FBXO36: variants seen among roughly 807,000 people sequenced by gnomAD.
FBXO36 encodes F-box only protein 36.
In FBXO36, 18 loss-of-function variants were observed where a neutral mutation model predicts 17.0. That is an observed-to-expected ratio of 1.06 (90% CI 0.73 to 1.57). The LOEUF is 1.57. FBXO36 is among the 40% of genes most tolerant of loss of function. The pLI is 0.00. For synonymous variants in FBXO36, 83 were observed against 85.3 expected, an observed-to-expected ratio of 0.97 and a Z score of 0.15; for missense variants, 229 against 221.9, an observed-to-expected ratio of 1.03 and a Z score of -0.20.
intron 3 of FBXO36, among the ~76,000 whole-genome samples, chr2:230,008,318 A>G (rs888488371): frequency 1.3e-5 from 2 of 152,130 alleles, no homozygotes; most frequent in African/African-American, 4.8e-5. Flanking sequence ...GATTCTCTTC[A>G]ACTTGACAAT....
At chr2:229,926,514 C>T (rs547946859) in intron 1 of FBXO36, among the ~76,000 whole-genome samples, 86 of 151,812 alleles carry the variant, frequency 5.7e-4, no homozygotes, top group African/African-American at 1.9e-3. Context: ...GGGAGCCTGA[C>T]GGGTGGATCA....
At chr2:229,985,494 C>T (rs2077263778) in intron 2 of FBXO36, among the ~76,000 whole-genome samples, 2 of 152,072 alleles carry the variant, frequency 1.3e-5, no homozygotes, top group South Asian at 4.1e-4. Flanking sequence ...AACACTCCTC[C>T]CCTCCTTGCT....
At chr2:229,960,208 C>T (rs922528290) in intron 1 of FBXO36, among the ~76,000 whole-genome samples, 1 of 151,842 alleles carries the variant, frequency 6.6e-6, no homozygotes, top group African/African-American at 2.4e-5. Context: ...GATGGGGTCT[C>T]GCTCTGTCAT....
At position 229,933,833 on chromosome 2, in the gene FBXO36, G is replaced by A. The variant is rs968905135; in HGVS notation, c.96+11224G>A. 4.6e-5 allele frequency among the ~76,000 whole-genome samples: 7 copies of A among 151,872 alleles called. No homozygotes were observed. The East Asian group carries it at 7.8e-4, about 17-fold the overall frequency. On this transcript the variant is annotated intron_variant, in intron 1 of 3. Coordinates refer to ENST00000283946, the MANE Select transcript of FBXO36 (RefSeq NM_174899.5). ...CCCTAGTAGCTGGGATTACAGGCGC[G>A]CACCACCATACCCAGCTAATTGTTG...
At chr2:229,980,737 GC>G (rs1483786151) in intron 2 of FBXO36, among the ~76,000 whole-genome samples, 1 of 152,098 alleles carries the variant, frequency 6.6e-6, no homozygotes, top group African/African-American at 2.4e-5. Context: ...CAGCAGGCCT[GC>G]CTCCCTGCTG....
At chr2:229,970,300 G>A (rs4973241) in intron 1 of FBXO36, among the ~76,000 whole-genome samples, 31,139 of 152,058 alleles carry the variant, frequency 0.2, 3,303 homozygotes, top group Admixed American at 0.25. Flanking sequence ...TGGGAGGACT[G>A]TTTGAGCCCA....
rs965492325 is a variant in FBXO36, at chr2:229,940,107, A to C, written c.96+17498A>C. On this transcript the variant is annotated intron_variant, in intron 1 of 3. Transcript: ENST00000283946. ...AAAAAATATAAAAAAAAAAAGGCTA[A>C]GAAGCCATTGGCAACATTTTTAATG... 1.6e-3 allele frequency among the ~76,000 whole-genome samples: 250 copies of C among 152,232 alleles called. 1 individual carries two copies. The highest frequency in any genetic ancestry group is 5.6e-3 in the African/African-American group (233 of 41,554).
chr2:229,928,862 G>A (rs2076925123), intron 1 of FBXO36, among the ~76,000 whole-genome samples: 2 of 152,116 alleles, frequency 1.3e-5, no homozygotes, highest in African/African-American at 4.8e-5. Context: ...CTGGGCTCAA[G>A]CAATCCTTGC....
At chr2:229,998,658 G>A (rs2077340700) in intron 3 of FBXO36, among the ~76,000 whole-genome samples, 1 of 151,658 alleles carries the variant, frequency 6.6e-6, no homozygotes, top group South Asian at 2.1e-4. Context: ...GAGTGTCATG[G>A]CATGCCCCTG....
intron 2 of FBXO36, among the ~76,000 whole-genome samples, chr2:229,992,084 G>A (rs1359826855): frequency 6.6e-6 from 1 of 151,842 alleles, no homozygotes; most frequent in East Asian, 1.9e-4. Flanking sequence ...GAAGAAATCA[G>A]GCAGTATGTT....
chr2:229,980,041 C>T (rs973366420), intron 2 of FBXO36, among the ~76,000 whole-genome samples: 1 of 151,926 alleles, frequency 6.6e-6, no homozygotes, highest in Non-Finnish European at 1.5e-5. Context: ...AGTTAACATT[C>T]GTTTTTTTTG....
At chr2:229,927,869 G>A (rs1004450386) in intron 1 of FBXO36, among the ~76,000 whole-genome samples, 1 of 152,090 alleles carries the variant, frequency 6.6e-6, no homozygotes, top group Non-Finnish European at 1.5e-5. Context: ...GCCAGCCTGT[G>A]ACAGGAAGCT....
In FBXO36 at chr2:229,996,834, C is replaced by T. The variant is rs970524734; in HGVS notation, c.289C>T (p.Leu97Phe). 1 of 1,614,106 alleles carries T rather than the reference C, an allele frequency of 6.2e-7. No homozygotes were observed. Among genetic ancestry groups the T allele is most frequent in the Non-Finnish European group, 8.5e-7 (1 of 1,180,018 alleles). Residue 97 changes from leucine (L) to phenylalanine (F), a missense_variant, in exon 3 of 4, where the codon CTC becomes TTC. Transcript: ENST00000283946. Reference protein sequence around the residue: ...CKGKFDFLERLSDDLLLTIIS... With the variant: ...CKGKFDFLERFSDDLLLTIIS... ...AGGTAAATTTGACTTCCTTGAACGG[C>T]TCTCAGACGATTTGCTCCTGACTAT... is the stretch of plus-strand genomic sequence containing the variant.
chr2:229,987,901 T>C (rs2077277284), intron 2 of FBXO36, among the ~76,000 whole-genome samples: 1 of 152,184 alleles, frequency 6.6e-6, no homozygotes, highest in Non-Finnish European at 1.5e-5. Flanking sequence ...CCCAAAGTGC[T>C]GGGATTATAG....
intron 1 of FBXO36, among the ~76,000 whole-genome samples, chr2:229,935,508 C>T (rs1019940299): frequency 2.6e-5 from 4 of 151,920 alleles, no homozygotes; most frequent in South Asian, 2.1e-4. Context: ...AGCAAAACTC[C>T]GTCTCAAATA....
chr2:229,928,605 A>T (rs1221622150), intron 1 of FBXO36, among the ~76,000 whole-genome samples: 3 of 152,092 alleles, frequency 2.0e-5, no homozygotes, highest in Non-Finnish European at 4.4e-5. Flanking sequence ...TTGAGGCTGA[A>T]TATTGAATAT....
At chr2:229,926,783 A>G (rs769395756) in intron 1 of FBXO36, among the ~76,000 whole-genome samples, 2 of 152,082 alleles carry the variant, frequency 1.3e-5, no homozygotes, top group African/African-American at 2.4e-5. Context: ...AGTAGTTTAC[A>G]TATATTTTCT....
At chr2:229,925,101 ATTTT>A (rs2076904038) in intron 1 of FBXO36, among the ~76,000 whole-genome samples, 4 of 151,122 alleles carry the variant, frequency 2.6e-5, no homozygotes, top group African/African-American at 9.7e-5. Context: ...TTCTTTCTTT[ATTTT>A]TATTATTTAT....
At chr2:229,964,675 C>T (rs1221868480) in intron 1 of FBXO36, among the ~76,000 whole-genome samples, 3 of 152,202 alleles carry the variant, frequency 2.0e-5, no homozygotes, top group African/African-American at 4.8e-5. Context: ...CACCTGCCAC[C>T]ACGCCCGATT....
Sources: gnomAD v4.1 joint callset for allele counts (sites outside exome capture counted in the v4.1 genomes callset) on GRCh38, gnomAD v4.1.1 for gene constraint, MANE v1.5 for transcripts, NCBI Gene and HGNC (gene_info 2026-07-23, HGNC 2026-07-21) for gene names.